MSLN: variants seen among roughly 807,000 people sequenced by gnomAD.
The protein encoded by MSLN is mesothelin.
A neutral mutation model predicts 72.6 loss-of-function variants in MSLN; 82 were observed. The observed-to-expected ratio is 1.13, with a 90% CI of 0.94 to 1.36. The LOEUF is 1.36. Among genes scored for constraint, MSLN ranks in the 40% most tolerant of loss-of-function variants. The probability of loss-of-function intolerance (pLI) is 0.00; values close to 1 mark genes in which losing one functional copy is unlikely to be tolerated. For missense variants in MSLN, 1,005 were observed against 847.9 expected (o/e 1.19, Z -2.30); for synonymous variants, 456 against 387.3 (o/e 1.18, Z -2.08).
At chr16:762,596 G>T in intron 2 of MSLN, 76 bp from the exon 3 acceptor site, 1 of 1,128,794 alleles carries the variant, frequency 8.9e-7, no homozygotes, top group Non-Finnish European at 1.3e-6. Flanking sequence ...CTGGGCCCAT[G>T]TGGCCCCAGG....
In MSLN at chr16:765,627, C is replaced by T. The variant is rs757930546; in HGVS notation, c.795+10C>T. 14 of 1,601,256 alleles carry T rather than the reference C, an allele frequency of 8.7e-6. No individual in the cohort carries two copies. Among genetic ancestry groups the T allele is most frequent in the African/African-American group, 5.3e-5 (4 of 74,864 alleles). On this transcript the variant is annotated intron_variant, in intron 10 of 17. Coordinates refer to ENST00000545450, the MANE Select transcript of MSLN (RefSeq NM_005823.6). ...CCGCAGCATCCCGCAGGTGAGACCC[C>T]AATCCCCAGCCCGTGGGGATGCCCG... is the stretch of plus-strand genomic sequence containing the variant.
Position 762,774 on chromosome 16 carries a change from T to C in MSLN, c.85+9T>C, listed in dbSNP as rs760936698. The C allele has an allele frequency of 6.4e-6, 10 of 1,565,190 alleles. No individual in the cohort carries two copies. In the South Asian group the frequency reaches 1.2e-4, roughly 19 times the overall value. On this transcript the variant is annotated intron_variant, in intron 3 of 17. Coordinates refer to ENST00000545450, the MANE Select transcript of MSLN (RefSeq NM_005823.6). ...CCTGCTCTTCAGCCTCGGTGCGTAC[T>C]TGATGGGGCTGCTGGTGAGGTGGGG...
rs760110597 is a variant in MSLN at position 767,449 on chromosome 16, G to C, written c.1575G>C (p.Lys525Asn). Residue 525 changes from lysine to asparagine, a missense_variant, in exon 16 of 18, where the codon AAG becomes AAC. Transcript: ENST00000545450. ...GCATGGACTTGGCCACGTTCATGAA[G>C]CTGCGGACGGATGCGGTGCTGGTAT... ...NVSMDLATFM[K>N]LRTDAVLPLT... 1.0e-5 allele frequency: 16 copies of C among 1,590,832 alleles called. No homozygotes were observed. In the East Asian group the frequency reaches 3.0e-4, roughly 30 times the overall value.
intron 8 of MSLN, 21 bp downstream of exon 8, chr16:765,057 G>A (rs377171502): frequency 1.2e-5 from 20 of 1,609,020 alleles, no homozygotes; most frequent in Admixed American, 5.0e-5. Flanking sequence ...GGGCCAGCGC[G>A]GGGCGGAGAG....
intron 17 of MSLN, 30 bp from the exon 18 acceptor site, chr16:768,618 G>A: frequency 1.9e-6 from 3 of 1,611,406 alleles, no homozygotes; most frequent in Non-Finnish European, 1.7e-6. Flanking sequence ...GCGTGGAGGT[G>A]GGCGCTCTGA....
In MSLN at chr16:764,674, G is replaced by A. The variant is rs781096580; in HGVS notation, c.328G>A (p.Glu110Lys). 5.0e-6 allele frequency: 8 copies of A among 1,612,328 alleles called. No individual in the cohort carries two copies. The Admixed American group carries it at 1.3e-4, about 27-fold the overall frequency. The change falls in exon 7 of 18, where the codon GAG becomes AAG. Residue 110 changes from glutamate to lysine, a missense_variant. Transcript: ENST00000545450. ...GCGCTGTCTGGCTCACCGGCTCTCTGAGCCCCCCGAGGACCTGGACGCCCT... is the reference window on the plus strand; with the variant it reads ...GCGCTGTCTGGCTCACCGGCTCTCTAAGCCCCCCGAGGACCTGGACGCCCT... ...QLRCLAHRLS[E>K]PPEDLDALPL...
In MSLN at chr16:768,840, C is replaced by A; in HGVS notation, c.*107C>A. The A allele has an allele frequency of 9.5e-7, 1 of 1,048,582 alleles. No homozygotes were observed. The highest frequency in any genetic ancestry group is 1.6e-5 in the African/African-American group (1 of 63,278). 65.0% of individuals were successfully genotyped at this position (1,048,582 alleles called of 1,614,324 possible). ...CCCAAGAGAACTCGCGCTCAGTAAACGGGAACATGCCCCCTGCAGACACGT... is the reference window on the plus strand; with the variant it reads ...CCCAAGAGAACTCGCGCTCAGTAAAAGGGAACATGCCCCCTGCAGACACGT... On this transcript the variant is annotated 3_prime_UTR_variant, in exon 18 of 18. Transcript: ENST00000545450.
In MSLN at chr16:766,922, A is replaced by C. The variant is rs1271842672; in HGVS notation, c.1411A>C (p.Arg471=). The change falls in exon 15 of 18, where the codon AGG becomes CGG. Residue 471 remains arginine, a synonymous_variant. Transcript: ENST00000545450. The part of the protein sequence containing the change: ...RPQDLDTCDP[R]QLDVLYPKAR... ...CCAGGACCTGGACACGTGTGACCCA[A>C]GGCAGCTGGACGTCCTCTATCCCAA... 6.2e-7 allele frequency: 1 copy of C among 1,612,442 alleles called. No individual in the cohort carries two copies. Among genetic ancestry groups the C allele is most frequent in the African/African-American group, 1.3e-5 (1 of 74,908 alleles).
rs778446157 is a variant in MSLN, at chr16:765,561, G to A, written c.739G>A (p.Ala247Thr). The change falls in exon 10 of 18, where the codon GCT (alanine) becomes ACT (threonine). Residue 247 changes from alanine (A) to threonine (T), a missense_variant. Transcript: ENST00000545450. ...PSTWSVSTMD[A>T]LRGLLPVLGQ... The stretch of plus-strand genomic sequence containing the variant: ...GACATGGTCTGTCTCCACGATGGAC[G>A]CTCTGCGGGGCCTGCTGCCCGTGCT... 6.2e-6 allele frequency: 10 copies of A among 1,606,704 alleles called. No individual in the cohort carries two copies. The East Asian group carries it at 6.7e-5, about 11-fold the overall frequency.
At chr16:763,182 A>C in intron 3 of MSLN, 51 bp from the exon 4 acceptor site, 1 of 1,286,988 alleles carries the variant, frequency 7.8e-7, no homozygotes, top group Non-Finnish European at 1.1e-6. Context: ...GGGTCAGGGC[A>C]CAGCCCAGAG....
rs1334313700 is a variant in MSLN, at chr16:766,907, G to A, written c.1396G>A (p.Asp466Asn). Reference protein sequence around the residue: ...SIWAVRPQDLDTCDPRQLDVL... With the variant: ...SIWAVRPQDLNTCDPRQLDVL... The stretch of plus-strand genomic sequence containing the variant: ...CAGGGCGGTCAGGCCCCAGGACCTG[G>A]ACACGTGTGACCCAAGGCAGCTGGA... Residue 466 changes from aspartate to asparagine, a missense_variant, in exon 15 of 18, where the codon GAC becomes AAC. By Grantham distance (23) the Asp-to-Asn change is conservative. Transcript: ENST00000545450. 4.3e-6 allele frequency: 7 copies of A among 1,612,468 alleles called. No individual in the cohort carries two copies. The highest frequency in any genetic ancestry group is 5.1e-6 in the Non-Finnish European group (6 of 1,179,876).
chr16:762,838 C>A, intron 3 of MSLN, 73 bp downstream of exon 3: 2 of 1,271,560 alleles, frequency 1.6e-6, no homozygotes, highest in Non-Finnish European at 2.2e-6. Context: ...CCCAGCAAGG[C>A]TTTGCCTGCC....
At chr16:766,023 A>G (rs2041602733) in intron 11 of MSLN, 36 bp from the exon 12 acceptor site, 1 of 1,560,288 alleles carries the variant, frequency 6.4e-7, no homozygotes, top group South Asian at 1.1e-5. Flanking sequence ...GGTCAAACGA[A>G]CTCCGGCCCT....
chr16:766,763 C>A lies in MSLN; in HGVS notation c.1326C>A (p.Cys442Ter). The change falls in exon 14 of 18, where the codon TGC becomes TGA. Residue 442 changes from cysteine (C) to a stop codon, truncating the protein, a stop_gained. Transcript: ENST00000545450. LOFTEE classifies it high-confidence loss of function. ...CCGCCTTCTACCCTGGGTACCTGTGCTCCCTCAGCCCCGAGGAGCTGAGCT... is the reference window on the plus strand; with the variant it reads ...CCGCCTTCTACCCTGGGTACCTGTGATCCCTCAGCCCCGAGGAGCTGAGCT... ...TLTAFYPGYL[C>*]SLSPEELSSV... is the part of the protein sequence containing the mutation. The A allele has an allele frequency of 1.2e-6, 2 of 1,612,640 alleles. No individual in the cohort carries two copies. Among genetic ancestry groups the A allele is most frequent in the Middle Eastern group, 1.7e-4 (1 of 6,060 alleles).
At chr16:763,770 C>T (rs1204523905) in intron 5 of MSLN, 79 bp downstream of exon 5, 1 of 1,045,364 alleles carries the variant, frequency 9.6e-7, no homozygotes, top group Admixed American at 2.5e-5. Context: ...GGCACCCCAT[C>T]CCCCAGCATC....
rs760846772 is a variant in MSLN, at chr16:763,216, C to T, written c.86-17C>T. Reference sequence around the variant, plus strand: ...AGGCCCGCCCCCTCCCCCAAGCTGTCCCCTCTGCCCCTTTAGGATGGGTGC... The same window carrying T: ...AGGCCCGCCCCCTCCCCCAAGCTGTTCCCTCTGCCCCTTTAGGATGGGTGC... On this transcript the variant is annotated splice_polypyrimidine_tract_variant and intron_variant, in intron 3 of 17. Coordinates refer to ENST00000545450, the MANE Select transcript of MSLN (RefSeq NM_005823.6). 2.6e-6 allele frequency: 4 copies of T among 1,525,498 alleles called. No homozygotes were observed. The African/African-American group carries it at 5.6e-5, about 21-fold the overall frequency. 94.5% of individuals were successfully genotyped at this position (1,525,498 alleles called of 1,614,324 possible). A position where few individuals can be genotyped will look rare whatever the true frequency, so the allele number is the denominator to read the frequency against.
intron 11 of MSLN, 81 bp from the exon 12 acceptor site, chr16:765,978 G>A: frequency 6.9e-7 from 1 of 1,451,222 alleles, no homozygotes; most frequent in Non-Finnish European, 9.3e-7. Context: ...AATGGCCCGA[G>A]GTCTCATCTC....
chr16:768,439 G>C lies in MSLN; in HGVS notation c.1657G>C (p.Glu553Gln), dbSNP rs752626487. 18 of 1,524,274 alleles carry C rather than the reference G, an allele frequency of 1.2e-5. No individual in the cohort carries two copies. The Admixed American group carries it at 1.5e-4, about 12-fold the overall frequency. The allele number at this position is 1,524,274 out of a possible 1,614,324, so 94.4% of individuals were successfully genotyped here. The change falls in exon 17 of 18, where the codon GAG becomes CAG. Residue 553 changes from glutamate to glutamine, a missense_variant. Coordinates refer to ENST00000545450, the MANE Select transcript of MSLN (RefSeq NM_005823.6). ...ACCCCACGTGGAGGGCCTGAAGGCG[G>C]AGGAGCGGCACCGCCCGGTGCGGGA... ...LGPHVEGLKA[E>Q]ERHRPVRDWI...
Position 768,852 on chromosome 16 carries a change from C to T in MSLN, c.*119C>T, listed in dbSNP as rs1274556532. 3.2e-6 allele frequency: 3 copies of T among 943,386 alleles called. No individual in the cohort carries two copies. The highest frequency in any genetic ancestry group is 4.9e-6 in the Non-Finnish European group (3 of 611,310). 58.4% of individuals were successfully genotyped at this position (943,386 alleles called of 1,614,324 possible). ...CGCGCTCAGTAAACGGGAACATGCC[C>T]CCTGCAGACACGTCTTGTGGCCTCC... On this transcript the variant is annotated 3_prime_UTR_variant, in exon 18 of 18. Coordinates refer to ENST00000545450, the MANE Select transcript of MSLN (RefSeq NM_005823.6).
Sources: gnomAD v4.1 joint callset for allele counts on GRCh38, gnomAD v4.1.1 for gene constraint, MANE v1.5 for transcripts, NCBI Gene and HGNC (gene_info 2026-07-23, HGNC 2026-07-21) for gene names.